GLDN: variants seen among roughly 807,000 people sequenced by gnomAD.
The protein encoded by GLDN is gliomedin, also known as collomin.
GLDN carries 47 observed loss-of-function variants against 56.5 expected under a neutral mutation model. The observed-to-expected ratio is 0.83, with a 90% CI of 0.66 to 1.06. The LOEUF is 1.06. GLDN is among the 50% of genes least tolerant of loss of function. The pLI is 0.00. For missense variants in GLDN, 782 were observed against 714.3 expected (o/e 1.09, Z -1.08); for synonymous variants, 332 against 278.8 (o/e 1.19, Z -1.90).
rs2038361564 is a variant in GLDN at position 51,405,547 on chromosome 15, G to T, written c.*793G>T. 6.6e-6 allele frequency: 1 copy of T among 151,994 alleles called. No homozygotes were observed. The highest frequency in any genetic ancestry group is 2.4e-5 in the African/African-American group (1 of 41,374). The allele number at this position is 151,994 out of a possible 1,614,324, so 9.4% of individuals were successfully genotyped here. A position where few individuals can be genotyped will look rare whatever the true frequency, so the allele number is the denominator to read the frequency against. Reference sequence around the variant, plus strand: ...ATTACAGGCATGTGTGCCTGGCCCAGGTTTCTTAATAAAACAGAATCATGA... The same window carrying T: ...ATTACAGGCATGTGTGCCTGGCCCATGTTTCTTAATAAAACAGAATCATGA... On this transcript the variant is annotated 3_prime_UTR_variant, in exon 10 of 10. Coordinates refer to ENST00000335449, the MANE Select transcript of GLDN (RefSeq NM_181789.4).
intron 1 of GLDN, among the ~76,000 whole-genome samples, chr15:51,355,431 G>A (rs947911216): frequency 3.9e-5 from 6 of 152,048 alleles, no homozygotes; most frequent in Non-Finnish European, 5.9e-5. Flanking sequence ...TAATTGGCAC[G>A]TAATGAGCAG....
intron 2 of GLDN, among the ~76,000 whole-genome samples, chr15:51,380,166 C>T (rs2037726160): frequency 6.6e-6 from 1 of 152,158 alleles, no homozygotes; most frequent in Non-Finnish European, 1.5e-5. Flanking sequence ...CCCACCAAGC[C>T]CCCTGTGCAT....
chr15:51,373,694 G>A (rs1462385526), intron 1 of GLDN, among the ~76,000 whole-genome samples: 2 of 152,230 alleles, frequency 1.3e-5, no homozygotes, highest in African/African-American at 4.8e-5. Flanking sequence ...GACTGGAGCA[G>A]AGTGACAGTG....
intron 1 of GLDN, among the ~76,000 whole-genome samples, chr15:51,372,788 A>G (rs2037543333): frequency 6.6e-6 from 1 of 152,144 alleles, no homozygotes; most frequent in African/African-American, 2.4e-5. Context: ...GACACAGGGT[A>G]CCTTAGTCTC....
chr15:51,341,710 G>T lies in GLDN; in HGVS notation c.26G>T (p.Arg9Leu). ...ATGGCCCGAGGCGCTGAGGGAGGCC[G>T]TGGGGACGCGGGTTGGGGCCTGCGT... MARGAEGG[R>L]GDAGWGLRGA... is the part of the protein sequence containing the mutation. Residue 9 changes from arginine to leucine, a missense_variant, in exon 1 of 10, where the codon CGT becomes CTT. Physicochemically the swap from Arg to Leu is moderately radical, Grantham distance 102 (BLOSUM62 -2). Coordinates refer to ENST00000335449, the MANE Select transcript of GLDN (RefSeq NM_181789.4). 1.4e-6 allele frequency: 2 copies of T among 1,429,756 alleles called. No homozygotes were observed. The highest frequency in any genetic ancestry group is 1.8e-6 in the Non-Finnish European group (2 of 1,106,574). The allele number at this position is 1,429,756 out of a possible 1,614,324, so 88.6% of individuals were successfully genotyped here. A position where few individuals can be genotyped will look rare whatever the true frequency, so the allele number is the denominator to read the frequency against.
chr15:51,394,707 G>T, intron 4 of GLDN, 128 bp from the exon 5 acceptor site: 2 of 817,624 alleles, frequency 2.4e-6, no homozygotes, highest in Non-Finnish European at 4.0e-6. Flanking sequence ...GCTCTAAAAT[G>T]GTTATGAAAT....
chr15:51,371,027 C>G (rs947980968), intron 1 of GLDN, among the ~76,000 whole-genome samples: 1 of 152,052 alleles, frequency 6.6e-6, no homozygotes, highest in Non-Finnish European at 1.5e-5. Context: ...AAAACCTATC[C>G]CCTTCTTATT....
At chr15:51,411,885 A>G (rs2038469219), downstream of GLDN, among the ~76,000 whole-genome samples, 1 of 152,258 alleles carries the variant, frequency 6.6e-6, no homozygotes, top group South Asian at 2.1e-4. Flanking sequence ...CTCAAATTGT[A>G]CTTTCCATTA....
chr15:51,356,119 C>T (rs2037181073), intron 1 of GLDN, among the ~76,000 whole-genome samples: 1 of 151,234 alleles, frequency 6.6e-6, no homozygotes, highest in Non-Finnish European at 1.5e-5. Flanking sequence ...AGGCAGCGGA[C>T]TGTCTTAAAC....
chr15:51,367,853 A>G (rs2037437438), intron 1 of GLDN, among the ~76,000 whole-genome samples: 1 of 152,176 alleles, frequency 6.6e-6, no homozygotes, highest in South Asian at 2.1e-4. Context: ...AGGCTTGTGT[A>G]TTATTGCCCT....
intron 5 of GLDN, among the ~76,000 whole-genome samples, chr15:51,396,581 A>T (rs1311775171): frequency 6.6e-6 from 1 of 152,230 alleles, no homozygotes; most frequent in Non-Finnish European, 1.5e-5. Context: ...TGTGAACATA[A>T]CTATATAGTC....
intron 2 of GLDN, among the ~76,000 whole-genome samples, chr15:51,381,106 A>G (rs1039157773): frequency 6.6e-6 from 1 of 152,068 alleles, no homozygotes; most frequent in Non-Finnish European, 1.5e-5. Flanking sequence ...CATCAGTGGA[A>G]CTCTTGCAGG....
chr15:51,350,633 T>G (rs1196350113), intron 1 of GLDN, among the ~76,000 whole-genome samples: 3 of 152,110 alleles, frequency 2.0e-5, no homozygotes, highest in Non-Finnish European at 4.4e-5. Context: ...TCTAGTGGTG[T>G]TGGTGATGGG....
At chr15:51,364,034 A>G (rs2141068258) in intron 1 of GLDN, among the ~76,000 whole-genome samples, 1 of 151,946 alleles carries the variant, frequency 6.6e-6, no homozygotes, top group East Asian at 1.9e-4. Context: ...TCTCTTCATC[A>G]TATGTTTTAA....
At position 51,404,808 on chromosome 15, in the gene GLDN, C is replaced by G. The variant is rs569026402; in HGVS notation, c.*54C>G. ...TTTCAGGGGTTTTCTGGGACCAGTT[C>G]TCCCCCAACAGGAAACTTGTTTTTT... is the stretch of plus-strand genomic sequence containing the variant. On this transcript the variant is annotated 3_prime_UTR_variant, in exon 10 of 10. Coordinates refer to ENST00000335449, the MANE Select transcript of GLDN (RefSeq NM_181789.4). 2.3e-6 allele frequency: 2 copies of G among 878,852 alleles called. No individual in the cohort carries two copies. Among genetic ancestry groups the G allele is most frequent in the East Asian group, 2.4e-5 (1 of 41,316 alleles). 54.4% of individuals were successfully genotyped at this position (878,852 alleles called of 1,614,324 possible). A position where few individuals can be genotyped will look rare whatever the true frequency, so the allele number is the denominator to read the frequency against.
At chr15:51,393,716 C>T (rs2038068339) in intron 4 of GLDN, among the ~76,000 whole-genome samples, 1 of 152,204 alleles carries the variant, frequency 6.6e-6, no homozygotes, top group African/African-American at 2.4e-5. Flanking sequence ...AGATCCTTCT[C>T]CCTGTGCCAC....
downstream of GLDN, among the ~76,000 whole-genome samples, chr15:51,409,612 A>G (rs185711201): frequency 4.7e-4 from 72 of 152,312 alleles, no homozygotes; most frequent in African/African-American, 1.7e-3. Context: ...GGCATTGTCA[A>G]TGTCCCAAGC....
intron 4 of GLDN, 140 bp from the exon 5 acceptor site, chr15:51,394,695 C>G: frequency 2.7e-6 from 2 of 727,954 alleles, no homozygotes; most frequent in Non-Finnish European, 4.6e-6. Flanking sequence ...GGTCACACTG[C>G]TGCTCTAAAA....
intron 1 of GLDN, among the ~76,000 whole-genome samples, chr15:51,363,074 G>A (rs1430627342): frequency 6.6e-6 from 1 of 152,180 alleles, no homozygotes; most frequent in Non-Finnish European, 1.5e-5. Flanking sequence ...GGGGGAAGAT[G>A]AAGAGTTCAG....
Sources: allele counts gnomAD v4.1 joint callset (sites outside exome capture counted in the v4.1 genomes callset), GRCh38; gene constraint gnomAD v4.1.1; transcripts MANE v1.5; gene names NCBI Gene and HGNC (gene_info 2026-07-23, HGNC 2026-07-21).